SNX9: variants seen among roughly 807,000 people sequenced by gnomAD.
The protein encoded by SNX9 is sorting nexin-9.
SNX9 carries 44 observed loss-of-function variants against 89.4 expected under a neutral mutation model. The observed-to-expected ratio is 0.49, with a 90% CI of 0.39 to 0.63. The LOEUF is 0.63. SNX9 is among the 30% of genes least tolerant of loss of function. SNX9 has a pLI of 0.00. For synonymous variants in SNX9, 236 were observed against 247.8 expected (o/e 0.95, Z 0.45); for missense variants, 578 against 736.1 (o/e 0.79, Z 2.49).
At chr6:157,857,459 T>A (rs6455858) in intron 1 of SNX9, among the ~76,000 whole-genome samples, 13,845 of 151,696 alleles carry the variant, frequency 0.091, 672 homozygotes, top group Non-Finnish European at 0.11. Context: ...TTACCTTTTT[T>A]AAAAAAAAAT....
At position 157,936,008 on chromosome 6, in the gene SNX9, T is replaced by TA; in HGVS notation, c.1412dup (p.Tyr471Ter). 1 of 1,612,650 alleles carries TA rather than the reference T, an allele frequency of 6.2e-7. No individual in the cohort carries two copies. Among genetic ancestry groups the TA allele is most frequent in the Non-Finnish European group, 8.5e-7 (1 of 1,179,306 alleles). ...TGCAATAACAGAAGCAGGAAAGACT[T>TA]ATGAAGAAATTGCCAGTCTCGTGGC... is the stretch of plus-strand genomic sequence containing the variant. ...NDAITEAGKT[Y>*]EEIASLVAEQ... The change falls in exon 14 of 18, where the codon TAT becomes TAAT. Residue 471 changes from tyrosine (Y) to a stop codon, truncating the protein, a stop_gained and frameshift_variant. Transcript: ENST00000392185. LOFTEE classifies it high-confidence loss of function.
At chr6:157,921,476 A>T (rs1783579534) in intron 9 of SNX9, 55 bp from the exon 10 acceptor site, 1 of 1,581,932 alleles carries the variant, frequency 6.3e-7, no homozygotes, top group Admixed American at 1.7e-5. Flanking sequence ...ACAGTATGGT[A>T]ACAGTCATTC....
chr6:157,906,596 C>G (rs112096511), intron 7 of SNX9, among the ~76,000 whole-genome samples: 2 of 151,812 alleles, frequency 1.3e-5, no homozygotes, highest in African/African-American at 4.8e-5. Flanking sequence ...AATAAGGTAC[C>G]CTTTCAGATA....
At chr6:157,899,962 AATCTCCCTCAGCAG>A (rs1330736678) in intron 5 of SNX9, among the ~76,000 whole-genome samples, 1 of 151,814 alleles carries the variant, frequency 6.6e-6, no homozygotes, top group Non-Finnish European at 1.5e-5. Context: ...GAGCACCTAA[AATCTCCCTCAGCAG>A]GTTTCCCAAA....
chr6:157,874,978 C>A, intron 3 of SNX9, 73 bp from the exon 4 acceptor site: 2 of 1,491,684 alleles, frequency 1.3e-6, no homozygotes, highest in Non-Finnish European at 1.8e-6. Flanking sequence ...TTTGACAATT[C>A]TTGCTTGCCC....
chr6:157,866,817 C>T (rs80123938), intron 1 of SNX9, among the ~76,000 whole-genome samples: 3,538 of 152,064 alleles, frequency 0.023, 153 homozygotes, highest in African/African-American at 0.081. Flanking sequence ...GATGTGTGTG[C>T]GTGTGTGTAT....
At chr6:157,919,388 G>T (rs1471562399) in intron 9 of SNX9, among the ~76,000 whole-genome samples, 1 of 151,758 alleles carries the variant, frequency 6.6e-6, no homozygotes, top group Non-Finnish European at 1.5e-5. Context: ...TTACGTTTAA[G>T]TTTTTTTTCT....
chr6:157,936,111 G>T, intron 14 of SNX9, 71 bp downstream of exon 14: 1 of 1,241,382 alleles, frequency 8.1e-7, no homozygotes, highest in Non-Finnish European at 1.1e-6. Context: ...TTTAAAACCT[G>T]TCTTAGGACA....
Position 157,834,167 on chromosome 6 carries a change from T to G in SNX9, c.12+10721T>G, listed in dbSNP as rs1304270518. ...CCACTGTGGTTTTTTTTTTTTTTTT[T>G]TTTTTTTTTTTTTTTTTTGAGTCAG... On this transcript the variant is annotated intron_variant, in intron 1 of 17. Transcript: ENST00000392185. 2.0e-3 allele frequency among the ~76,000 whole-genome samples: 230 copies of G among 116,598 alleles called. 4 individuals are homozygous for G. Among genetic ancestry groups the G allele is most frequent in the African/African-American group, 7.6e-3 (225 of 29,602 alleles). The allele number at this position is 116,598 out of a possible 152,430, so 76.5% of individuals were successfully genotyped here.
rs149713097 is a variant in SNX9 at position 157,867,597 on chromosome 6, G to A, written c.63G>A (p.Thr21=). 1.6e-5 allele frequency: 26 copies of A among 1,612,158 alleles called. No homozygotes were observed. Among genetic ancestry groups the A allele is most frequent in the African/African-American group, 9.3e-5 (7 of 74,998 alleles). ...FAAEPGNNEL[T]VNEGEIITIT... ...CTGAACCTGGAAATAATGAACTGACGGTTAATGAAGGAGAAATCATCACAA... is the reference window on the plus strand; with the variant it reads ...CTGAACCTGGAAATAATGAACTGACAGTTAATGAAGGAGAAATCATCACAA... Residue 21 remains threonine, a synonymous_variant, in exon 2 of 18, where the codon ACG becomes ACA. Transcript: ENST00000392185.
At chr6:157,877,015 G>A (rs1169746244) in intron 4 of SNX9, among the ~76,000 whole-genome samples, 1 of 152,208 alleles carries the variant, frequency 6.6e-6, no homozygotes, top group Non-Finnish European at 1.5e-5. Flanking sequence ...TAAAAGAATT[G>A]TAATGAGGTA....
Position 157,901,938 on chromosome 6 carries a change from G to A in SNX9, c.513G>A (p.Gly171=). 6.2e-7 allele frequency: 1 copy of A among 1,612,826 alleles called. No individual in the cohort carries two copies. The change falls in exon 6 of 18, where the codon GGG becomes GGA. Residue 171 remains glycine (G), a synonymous_variant. Coordinates refer to ENST00000392185, the MANE Select transcript of SNX9 (RefSeq NM_016224.5). ...ATGACTGGGATGAAGACTGGGATGG[G>A]CCCAAATCCTCTTCCTACTTTAAGG... ...DDDDWDEDWD[G]PKSSSYFKDS...
At chr6:157,888,716 C>T (rs1782789654) in intron 4 of SNX9, among the ~76,000 whole-genome samples, 2 of 152,148 alleles carry the variant, frequency 1.3e-5, no homozygotes, top group South Asian at 4.1e-4. Context: ...CCCTAAAAGT[C>T]ATCTTTTTTT....
intron 10 of SNX9, among the ~76,000 whole-genome samples, chr6:157,926,667 A>G (rs1783698157): frequency 6.6e-6 from 1 of 151,440 alleles, no homozygotes; most frequent in Non-Finnish European, 1.5e-5. Flanking sequence ...CTAAAGTCCC[A>G]GCTACTTGGG....
At chr6:157,904,699 A>T (rs9458824) in intron 6 of SNX9, among the ~76,000 whole-genome samples, 32,898 of 151,968 alleles carry the variant, frequency 0.22, 3,635 homozygotes, top group Non-Finnish European at 0.23. Flanking sequence ...ACAGAGTGAG[A>T]CTCTGTCTCA....
intron 6 of SNX9, among the ~76,000 whole-genome samples, chr6:157,903,598 T>C (rs9456862): frequency 0.17 from 25,980 of 152,226 alleles, 2,359 homozygotes; most frequent in African/African-American, 0.2. Context: ...AAAATTCATA[T>C]AAATTAGCCC....
chr6:157,927,734 T>G (rs1783724121), intron 11 of SNX9, among the ~76,000 whole-genome samples: 2 of 143,104 alleles, frequency 1.4e-5, no homozygotes, highest in South Asian at 4.6e-4. Flanking sequence ...TTTTTTTTTT[T>G]TTTTTTTTTT....
At chr6:157,925,144 G>T (rs971826890) in intron 10 of SNX9, among the ~76,000 whole-genome samples, 1 of 152,208 alleles carries the variant, frequency 6.6e-6, no homozygotes, top group African/African-American at 2.4e-5. Flanking sequence ...TGAAGGGCTA[G>T]ATTTTAGAAT....
At chr6:157,834,149 G>GTTTTTTTTTTTTTTTTT (rs1491214417) in intron 1 of SNX9, among the ~76,000 whole-genome samples, 1 of 60,086 alleles carries the variant, frequency 1.7e-5, no homozygotes. Context: ...TGTCCACTGT[G>GTTTTTTTTTTTTTTTTT]GTTTTTTTTT....
Sources: gnomAD v4.1 joint callset for allele counts (sites outside exome capture counted in the v4.1 genomes callset) on GRCh38, gnomAD v4.1.1 for gene constraint, MANE v1.5 for transcripts, NCBI Gene and HGNC (gene_info 2026-07-23, HGNC 2026-07-21) for gene names.